Variants in MAP2 observed in about 807,000 individuals in gnomAD.
MAP2 encodes the protein microtubule associated protein 2.
MAP2 carries 14 observed loss-of-function variants against 137.6 expected under a neutral mutation model. That is an observed-to-expected ratio of 0.10 (90% CI 0.07 to 0.16). The LOEUF (loss-of-function observed/expected upper bound fraction) is 0.16. MAP2 is among the 10% of genes least tolerant of loss of function. The pLI is 1.00. For missense variants in MAP2, 2,088 were observed against 2,191.5 expected, an observed-to-expected ratio of 0.95 and a Z score of 0.94; for synonymous variants, 786 against 782.3, an observed-to-expected ratio of 1.00 and a Z score of -0.08.
intron 1 of MAP2, among the ~76,000 whole-genome samples, chr2:209,474,849 A>T (rs549848856): frequency 6.6e-6 from 1 of 152,062 alleles, no homozygotes; most frequent in Non-Finnish European, 1.5e-5. Flanking sequence ...AGGCATGAGG[A>T]AAACATATAT....
chr2:209,530,175 A>G (rs1039540934), intron 2 of MAP2, among the ~76,000 whole-genome samples: 1 of 151,946 alleles, frequency 6.6e-6, no homozygotes, highest in Non-Finnish European at 1.5e-5. Context: ...CTTATCACAT[A>G]TGCATCCCAG....
At chr2:209,650,123 G>A (rs2094685957) in intron 4 of MAP2, among the ~76,000 whole-genome samples, 1 of 152,196 alleles carries the variant, frequency 6.6e-6, no homozygotes, top group African/African-American at 2.4e-5. Flanking sequence ...GGGGATGAGA[G>A]AAGTCAAATG....
intron 7 of MAP2, among the ~76,000 whole-genome samples, chr2:209,690,999 G>A (rs2058707362): frequency 6.6e-6 from 1 of 152,216 alleles, no homozygotes; most frequent in South Asian, 2.1e-4. Context: ...TGCAGAGAGT[G>A]TGGCTTGCGC....
intron 3 of MAP2, among the ~76,000 whole-genome samples, chr2:209,602,463 TAGCTGTCAGAAGGA>T (rs1287813866): frequency 6.6e-6 from 1 of 152,190 alleles, no homozygotes; most frequent in Non-Finnish European, 1.5e-5. Context: ...TGGCCTCTTT[TAGCTGTCAGAAGGA>T]TTGAGCCTTT....
At chr2:209,457,040 A>G (rs1445641689) in intron 1 of MAP2, among the ~76,000 whole-genome samples, 1 of 152,222 alleles carries the variant, frequency 6.6e-6, no homozygotes, top group Non-Finnish European at 1.5e-5. Flanking sequence ...GGAGAACCCC[A>G]TTCCACTTAT....
At chr2:209,561,744 C>T (rs1030086859) in intron 2 of MAP2, among the ~76,000 whole-genome samples, 3 of 152,184 alleles carry the variant, frequency 2.0e-5, no homozygotes, top group African/African-American at 2.4e-5. Flanking sequence ...ACTCAGTCTT[C>T]AAACTATGTT....
rs544103291 is a variant in MAP2, at chr2:209,524,538, G to T, written c.-172+16897G>T. Among the ~76,000 whole-genome samples the T allele has an allele frequency of 4.1e-4, 63 of 151,924 alleles. 1 individual carries two copies. In the South Asian group the frequency reaches 0.013, roughly 32 times the overall value. On this transcript the variant is annotated intron_variant, in intron 2 of 15. Transcript: ENST00000682079. ...ATAGCAATAAAAGGAAATAAATAAG[G>T]TAATACATGCAATACACTATACAAT...
intron 5 of MAP2, among the ~76,000 whole-genome samples, chr2:209,674,894 C>T (rs1264594875): frequency 6.6e-6 from 1 of 151,778 alleles, no homozygotes; most frequent in African/African-American, 2.4e-5. Flanking sequence ...CCCAGTAGAT[C>T]TGCTGATGAG....
At chr2:209,562,161 G>C (rs1162899120) in intron 2 of MAP2, among the ~76,000 whole-genome samples, 1 of 152,090 alleles carries the variant, frequency 6.6e-6, no homozygotes, top group African/African-American at 2.4e-5. Flanking sequence ...ATTTTGCTCA[G>C]TGACTAGAAT....
intron 2 of MAP2, among the ~76,000 whole-genome samples, chr2:209,537,559 A>G (rs951305441): frequency 5.9e-5 from 9 of 152,188 alleles, no homozygotes; most frequent in African/African-American, 2.2e-4. Flanking sequence ...GTATATGTGT[A>G]TATTGTACAC....
intron 4 of MAP2, among the ~76,000 whole-genome samples, chr2:209,626,279 G>T (rs1018382992): frequency 6.6e-6 from 1 of 152,104 alleles, no homozygotes; most frequent in Non-Finnish European, 1.5e-5. Flanking sequence ...GCCAGGTATG[G>T]TGGTGGGCAC....
chr2:209,457,320 A>G (rs927123925), intron 1 of MAP2, among the ~76,000 whole-genome samples: 4 of 152,286 alleles, frequency 2.6e-5, no homozygotes, highest in Middle Eastern at 3.4e-3. Context: ...CCCACCACCT[A>G]GTCTGGAGAG....
chr2:209,603,413 G>A (rs563526341), intron 3 of MAP2, among the ~76,000 whole-genome samples: 90 of 152,166 alleles, frequency 5.9e-4, no homozygotes, highest in African/African-American at 2.0e-3. Flanking sequence ...AAACTTCGGC[G>A]GTGGGATGGG....
rs753770144 is a variant in MAP2 at position 209,696,924 on chromosome 2, T to C, written c.4395T>C (p.Tyr1465=). The change falls in exon 10 of 16, where the codon TAT becomes TAC. Residue 1465 remains tyrosine (Y), a synonymous_variant. Coordinates refer to ENST00000682079, the MANE Select transcript of MAP2 (RefSeq NM_001375505.1). ...GTGTTTTCTTATTCATAGCAGTTTA[T>C]AAGAAGGCTGAACTTGCTAAAAAAA... The part of the protein sequence containing the change: ...RDEVRRKKAV[Y]KKAELAKKTE... The C allele has an allele frequency of 6.3e-7, 1 of 1,599,968 alleles. No homozygotes were observed. The highest frequency in any genetic ancestry group is 2.2e-5 in the East Asian group (1 of 44,794).
chr2:209,671,351 T>G (rs1365588180), intron 5 of MAP2, among the ~76,000 whole-genome samples: 1 of 151,998 alleles, frequency 6.6e-6, no homozygotes, highest in Non-Finnish European at 1.5e-5. Flanking sequence ...AGGAACCATT[T>G]ACTCTCCAAA....
At chr2:209,653,977 A>G (rs1438704229) in intron 5 of MAP2, among the ~76,000 whole-genome samples, 2 of 152,224 alleles carry the variant, frequency 1.3e-5, no homozygotes, top group African/African-American at 4.8e-5. Context: ...CTTGGAGCAG[A>G]CATGAGACTT....
At chr2:209,626,332 T>C (rs1048570357) in intron 4 of MAP2, among the ~76,000 whole-genome samples, 3 of 152,158 alleles carry the variant, frequency 2.0e-5, no homozygotes, top group Non-Finnish European at 4.4e-5. Context: ...GGAGTATCTC[T>C]TGAACCTGGG....
At chr2:209,536,924 A>G (rs2066037532) in intron 2 of MAP2, among the ~76,000 whole-genome samples, 1 of 152,122 alleles carries the variant, frequency 6.6e-6, no homozygotes, top group South Asian at 2.1e-4. Context: ...CTCACTGAAT[A>G]TGTTCATTAT....
intron 2 of MAP2, among the ~76,000 whole-genome samples, chr2:209,525,171 A>G (rs929309115): frequency 3.3e-5 from 5 of 152,326 alleles, no homozygotes; most frequent in South Asian, 2.1e-4. Context: ...GAGGTTGTCA[A>G]ACATTTTGGA....
Sources: gnomAD v4.1 joint callset for allele counts (sites outside exome capture counted in the v4.1 genomes callset) on GRCh38, gnomAD v4.1.1 for gene constraint, MANE v1.5 for transcripts, NCBI Gene and HGNC (gene_info 2026-07-23, HGNC 2026-07-21) for gene names.